RXRG: variants seen among roughly 807,000 people sequenced by gnomAD.
The protein encoded by RXRG is retinoic acid receptor RXR-gamma.
Under a neutral mutation model 49.2 loss-of-function variants are expected in RXRG, and 19 were observed. The ratio of observed to expected loss-of-function variants is 0.39; its 90% CI spans 0.27 to 0.57. The LOEUF (loss-of-function observed/expected upper bound fraction) is 0.57. RXRG is among the 20% of genes least tolerant of loss of function. The pLI, the probability that RXRG is intolerant of heterozygous loss-of-function variation, is 0.64. For missense variants in RXRG, 452 were observed against 592.5 expected (o/e 0.76, Z 2.46); for synonymous variants, 224 against 216.6 (o/e 1.03, Z -0.30).
intron 4 of RXRG, among the ~76,000 whole-genome samples, chr1:165,415,647 G>C (rs1658100146): frequency 6.6e-6 from 1 of 152,126 alleles, no homozygotes; most frequent in Admixed American, 6.5e-5. Flanking sequence ...CATGTGGTGT[G>C]TGAAAAAAGA....
rs776826149 is a variant in RXRG at position 165,401,441 on chromosome 1, G to A, written c.1245-31C>T. 4.3e-6 allele frequency: 7 copies of A among 1,611,782 alleles called. No homozygotes were observed. The African/African-American group carries it at 9.3e-5, about 22-fold the overall frequency. ...GGGAAGCCAAGAGGCATCAGGGACA[G>A]GGACGGGCAGGCACTGCACACCTGC... On this transcript the variant is annotated intron_variant, in intron 9 of 9. Transcript: ENST00000359842.
chr1:165,405,041 G>C (rs1435967673), intron 9 of RXRG, among the ~76,000 whole-genome samples: 1 of 152,128 alleles, frequency 6.6e-6, no homozygotes, highest in Non-Finnish European at 1.5e-5. Flanking sequence ...TTACAGACAT[G>C]AGCCACCGCA....
chr1:165,429,062 T>C, intron 1 of RXRG, 96 bp from the exon 2 acceptor site: 1 of 1,374,152 alleles, frequency 7.3e-7, no homozygotes, highest in Non-Finnish European at 9.8e-7. Flanking sequence ...TCCTGTATCC[T>C]GCCCCTCTTT....
rs138503013 is a variant in RXRG at position 165,429,511 on chromosome 1, G to A, written c.50-545C>T. The stretch of plus-strand genomic sequence containing the variant: ...GAAGAGCACACAGTCGCTGACATCA[G>A]GAGTCACATTCCATAATAATGATGG... On this transcript the variant is annotated intron_variant, in intron 1 of 9. Coordinates refer to ENST00000359842, the MANE Select transcript of RXRG (RefSeq NM_006917.5). Among the ~76,000 whole-genome samples the A allele has an allele frequency of 7.0e-3, 1,066 of 152,312 alleles. 9 individuals are homozygous for A. The highest frequency in any genetic ancestry group is 0.012 in the Non-Finnish European group (793 of 68,032).
chr1:165,405,732 T>C (rs1657722605), intron 9 of RXRG, among the ~76,000 whole-genome samples: 1 of 152,242 alleles, frequency 6.6e-6, no homozygotes, highest in African/African-American at 2.4e-5. Flanking sequence ...GAATAGATGT[T>C]TGTGTTAAAC....
At position 165,406,754 on chromosome 1, in the gene RXRG, TAGATGAAG is replaced by T. The variant is rs1402630258; in HGVS notation, c.1244+50_1244+57del. 1.5e-5 allele frequency: 18 copies of T among 1,203,894 alleles called. No homozygotes were observed. The East Asian group carries it at 3.3e-4, about 22-fold the overall frequency. The allele number at this position is 1,203,894 out of a possible 1,614,324, so 74.6% of individuals were successfully genotyped here. On this transcript the variant is annotated intron_variant, in intron 9 of 9. Transcript: ENST00000359842. The stretch of plus-strand genomic sequence containing the variant: ...TGCCTGCTGCACTTTAGGGGCTCAG[TAGATGAAG>T]AGTGGGAGTAGTTGCTGCTGTTACT...
intron 3 of RXRG, among the ~76,000 whole-genome samples, chr1:165,418,049 T>G (rs1302944198): frequency 7.5e-6 from 1 of 133,606 alleles, no homozygotes; most frequent in Non-Finnish European, 1.5e-5. Flanking sequence ...AGGCGGAGGT[T>G]GCAGTGAGCC....
rs1271543241 is a variant in RXRG at position 165,410,814 on chromosome 1, G to A, written c.801C>T (p.Thr267=). 1 of 1,614,008 alleles carries A rather than the reference G, an allele frequency of 6.2e-7. No homozygotes were observed. Among genetic ancestry groups the A allele is most frequent in the East Asian group, 2.2e-5 (1 of 44,892 alleles). The change falls in exon 6 of 10, where the codon ACC becomes ACT. Residue 267 remains threonine (T), a synonymous_variant. Coordinates refer to ENST00000359842, the MANE Select transcript of RXRG (RefSeq NM_006917.5). ...GCTTGTCAGCAGCATGACATATGTT[G>A]GTAACAGGGTCATTTGTCTGAAAAA... ...NMENSTNDPV[T]NICHAADKQL...
chr1:165,422,759 AG>A (rs1181739125), intron 2 of RXRG, among the ~76,000 whole-genome samples: 1 of 152,244 alleles, frequency 6.6e-6, no homozygotes, highest in Non-Finnish European at 1.5e-5. Flanking sequence ...TCAGTAATAC[AG>A]TGAATGAGGT....
At chr1:165,437,721 G>A (rs1299143144) in intron 1 of RXRG, among the ~76,000 whole-genome samples, 1 of 152,164 alleles carries the variant, frequency 6.6e-6, no homozygotes, top group Admixed American at 6.5e-5. Context: ...ATTGACATCT[G>A]CCTCCATGGA....
intron 1 of RXRG, among the ~76,000 whole-genome samples, chr1:165,431,815 G>A (rs2101738597): frequency 6.6e-6 from 1 of 152,066 alleles, no homozygotes; most frequent in South Asian, 2.1e-4. Context: ...GGCATTTTAA[G>A]TGGTATGTCA....
chr1:165,433,380 A>G (rs975625118), intron 1 of RXRG, among the ~76,000 whole-genome samples: 1 of 152,020 alleles, frequency 6.6e-6, no homozygotes, highest in African/African-American at 2.4e-5. Flanking sequence ...CTGTGGCATG[A>G]CCCCTGGCCC....
Position 165,401,239 on chromosome 1 carries a change from TGG to T in RXRG, c.*22_*23del, listed in dbSNP as rs1446037897. 3 of 1,610,748 alleles carry T rather than the reference TGG, an allele frequency of 1.9e-6. No homozygotes were observed. Among genetic ancestry groups the T allele is most frequent in the Non-Finnish European group, 2.5e-6 (3 of 1,178,892 alleles). On this transcript the variant is annotated 3_prime_UTR_variant, in exon 10 of 10. Transcript: ENST00000359842. ...ACACCTGCCCAGGGGTCATCCTGGG[TGG>T]GGAGGCTGTGGCTGGTGGGGCTCAG...
chr1:165,417,334 G>T, intron 3 of RXRG, 114 bp from the exon 4 acceptor site: 1 of 900,442 alleles, frequency 1.1e-6, no homozygotes, highest in Non-Finnish European at 1.7e-6. Context: ...CTTGGGCATT[G>T]GGACAGAAAG....
At chr1:165,426,185 ATAT>A (rs748224866) in intron 2 of RXRG, among the ~76,000 whole-genome samples, 2 of 152,254 alleles carry the variant, frequency 1.3e-5, no homozygotes, top group African/African-American at 2.4e-5. Context: ...AAGGGTCAAA[ATAT>A]GGGATGAGAG....
Position 165,401,189 on chromosome 1 carries a change from G to C in RXRG, c.*74C>G. On this transcript the variant is annotated 3_prime_UTR_variant, in exon 10 of 10. Transcript: ENST00000359842. ...AAGGGGGTCAGGGTGGGAGGTGGAG[G>C]AAAGTGCAGGGTGGGGGTCCACACA... 6.9e-7 allele frequency: 1 copy of C among 1,439,796 alleles called. No homozygotes were observed. Among genetic ancestry groups the C allele is most frequent in the South Asian group, 1.2e-5 (1 of 81,256 alleles). 89.2% of individuals were successfully genotyped at this position (1,439,796 alleles called of 1,614,324 possible).
intron 9 of RXRG, among the ~76,000 whole-genome samples, chr1:165,405,921 A>T (rs1190263582): frequency 2.0e-5 from 3 of 152,242 alleles, no homozygotes; most frequent in Non-Finnish European, 4.4e-5. Context: ...CAGGATAAAC[A>T]GCTAAGTAGA....
At chr1:165,416,207 C>T (rs1463075846) in intron 4 of RXRG, among the ~76,000 whole-genome samples, 1 of 152,094 alleles carries the variant, frequency 6.6e-6, no homozygotes, top group African/African-American at 2.4e-5. Flanking sequence ...GAGGCAGGAC[C>T]TTCTTACTCT....
At position 165,433,359 on chromosome 1, in the gene RXRG, C is replaced by T. The variant is rs76821935; in HGVS notation, c.50-4393G>A. 4.4e-3 allele frequency among the ~76,000 whole-genome samples: 673 copies of T among 152,242 alleles called. 5 individuals are homozygous for T. The highest frequency in any genetic ancestry group is 0.016 in the African/African-American group (644 of 41,530). On this transcript the variant is annotated intron_variant, in intron 1 of 9. Transcript: ENST00000359842. ...CAAATGGCCTGATCCAGTCTCTCAG[C>T]CCAATTCACTCTGTGGCATGACCCC...
Sources: allele counts gnomAD v4.1 joint callset (sites outside exome capture counted in the v4.1 genomes callset), GRCh38; gene constraint gnomAD v4.1.1; transcripts MANE v1.5; gene names NCBI Gene and HGNC (gene_info 2026-07-23, HGNC 2026-07-21).